Variants in CELF2 observed in about 807,000 individuals in gnomAD.
CELF2 encodes the protein CUGBP Elav-like family member 2.
In CELF2, 8 loss-of-function variants were observed where a neutral mutation model predicts 62.6. That is an observed-to-expected ratio of 0.13 (90% CI 0.07 to 0.23). The LOEUF (loss-of-function observed/expected upper bound fraction) is 0.23, where lower values mean the gene tolerates loss of function less well. CELF2 is among the 10% of genes least tolerant of loss of function. CELF2 has a pLI of 1.00. For synonymous variants in CELF2, 258 were observed against 250.0 expected (o/e 1.03, Z -0.30); for missense variants, 333 against 671.0 (o/e 0.50, Z 5.56).
At chr10:11,051,033 T>TA (rs372188508) in intron 1 of CELF2, among the ~76,000 whole-genome samples, 44 of 152,326 alleles carry the variant, frequency 2.9e-4, no homozygotes, top group African/African-American at 1.1e-3. Flanking sequence ...GTTCTATTTT[T>TA]AGCAGCTAGA....
At chr10:10,951,217 C>T (rs1285681118) in intron 2 of CELF2, among the ~76,000 whole-genome samples, 1 of 152,110 alleles carries the variant, frequency 6.6e-6, no homozygotes, top group East Asian at 1.9e-4. Flanking sequence ...GATCATAGTT[C>T]TCAGCAGCCT....
the CELF2 span, among the ~76,000 whole-genome samples, chr10:10,603,578 A>G: frequency 1.3e-5 from 2 of 152,172 alleles, no homozygotes; most frequent in African/African-American, 4.8e-5. Context: ...CACTAATCTC[A>G]TCACCAGAAC....
intron 1 of CELF2, among the ~76,000 whole-genome samples, chr10:11,023,404 A>G (rs2058656566): frequency 1.3e-5 from 2 of 152,244 alleles, no homozygotes; most frequent in Non-Finnish European, 2.9e-5. Context: ...ATTCCTGGGA[A>G]AAACCTATGT....
At chr10:11,060,863 A>T (rs150831946) in intron 1 of CELF2, among the ~76,000 whole-genome samples, 1 of 152,338 alleles carries the variant, frequency 6.6e-6, no homozygotes, top group African/African-American at 2.4e-5. Context: ...TGTCAGGAAC[A>T]GTTCCCATAG....
chr10:10,749,665 C>T, the CELF2 span, among the ~76,000 whole-genome samples: 1 of 152,222 alleles, frequency 6.6e-6, no homozygotes, highest in Middle Eastern at 3.4e-3. Flanking sequence ...AAGAAGGCTG[C>T]TCGGATGCAT....
intron 1 of CELF2, among the ~76,000 whole-genome samples, chr10:11,028,524 A>T (rs2059608176): frequency 6.7e-6 from 1 of 148,788 alleles, no homozygotes; most frequent in East Asian, 2.0e-4. Flanking sequence ...GGTTCAAGTG[A>T]TTCTCTTGCC....
chr10:10,574,746 G>C, the CELF2 span, among the ~76,000 whole-genome samples: 147 of 152,180 alleles, frequency 9.7e-4, 3 homozygotes, highest in Non-Finnish European at 2.5e-4. Flanking sequence ...TTTTGCTCTT[G>C]TCACCCAGGC....
Position 11,242,501 on chromosome 10 carries a change from A to G in CELF2, c.355-6652A>G, listed in dbSNP as rs2074261170. On this transcript the variant is annotated intron_variant, in intron 3 of 12. Coordinates refer to ENST00000633077, the MANE Select transcript of CELF2 (RefSeq NM_001326342.2). The surrounding 1 kb of genome is among the most constrained non-coding windows in gnomAD (Gnocchi z 4.8). The stretch of plus-strand genomic sequence containing the variant: ...TGTGTCCATAGTGGCGACTCTGGAG[A>G]GTATAGCTGCTGGGTGCAGCTGCTC... Among the ~76,000 whole-genome samples, 1 of 151,978 alleles carries G rather than the reference A, an allele frequency of 6.6e-6. No homozygotes were observed. Among genetic ancestry groups the G allele is most frequent in the African/African-American group, 2.4e-5 (1 of 41,374 alleles).
rs1335928363 is a variant in CELF2 at position 11,165,751 on chromosome 10, C to T, written c.271+69C>T. The T allele has an allele frequency of 7.1e-7, 1 of 1,413,670 alleles. No individual in the cohort carries two copies. Among genetic ancestry groups the T allele is most frequent in the Non-Finnish European group, 9.6e-7 (1 of 1,046,756 alleles). 87.6% of individuals were successfully genotyped at this position (1,413,670 alleles called of 1,614,324 possible). A position where few individuals can be genotyped will look rare whatever the true frequency, so the allele number is the denominator to read the frequency against. ...TCGCGGGGCACTGGGGCTGTCCGAG[C>T]CCCCAGCCTGCAGGAGGAAGGGCGG... On this transcript the variant is annotated intron_variant, in intron 2 of 12. Coordinates refer to ENST00000633077, the MANE Select transcript of CELF2 (RefSeq NM_001326342.2). The surrounding 1 kb of genome is among the most constrained non-coding windows in gnomAD (Gnocchi z 7.4).
At chr10:10,849,430 C>G (rs1245930959) in intron 1 of CELF2, among the ~76,000 whole-genome samples, 1 of 151,732 alleles carries the variant, frequency 6.6e-6, no homozygotes, top group Admixed American at 6.6e-5. Context: ...GAAAAGAAAA[C>G]TGTAAGAACA....
At chr10:10,987,952 C>CA (rs11464374) in intron 2 of CELF2, among the ~76,000 whole-genome samples, 22,364 of 151,940 alleles carry the variant, frequency 0.15, 5,520 homozygotes, top group African/African-American at 0.51. Context: ...ATTAAAACGT[C>CA]AAAAAACAGT....
chr10:10,852,762 G>T (rs571849563), intron 1 of CELF2, among the ~76,000 whole-genome samples: 2 of 152,350 alleles, frequency 1.3e-5, no homozygotes, highest in East Asian at 3.9e-4. Flanking sequence ...TTAATTGAAT[G>T]TGAATCTACA....
intron 2 of CELF2, among the ~76,000 whole-genome samples, chr10:10,930,474 C>T (rs1437696849): frequency 6.6e-6 from 1 of 152,150 alleles, no homozygotes; most frequent in African/African-American, 2.4e-5. Flanking sequence ...CTTAAAAGCA[C>T]ATTTATCCCA....
the CELF2 span, among the ~76,000 whole-genome samples, chr10:10,626,875 T>C: frequency 6.6e-6 from 1 of 152,204 alleles, no homozygotes; most frequent in Non-Finnish European, 1.5e-5. Flanking sequence ...ACTGACAACA[T>C]TTCAAGTGTT....
At chr10:10,577,911 T>C in the CELF2 span, among the ~76,000 whole-genome samples, 5 of 152,312 alleles carry the variant, frequency 3.3e-5, no homozygotes, top group South Asian at 1.0e-3. Flanking sequence ...TATTTCTAGT[T>C]CTAGATCCCT....
chr10:11,245,565 C>G (rs772888586), intron 3 of CELF2, among the ~76,000 whole-genome samples: 1 of 152,228 alleles, frequency 6.6e-6, no homozygotes, highest in Non-Finnish European at 1.5e-5. Context: ...AAGAGCAAAA[C>G]AAAGTTCAGG....
chr10:10,848,796 G>T (rs1213488322), intron 1 of CELF2, among the ~76,000 whole-genome samples: 2 of 152,320 alleles, frequency 1.3e-5, no homozygotes, highest in African/African-American at 4.8e-5. Context: ...CAACCATCTA[G>T]AAAACGGAGA....
chr10:10,549,494 G>T, the CELF2 span, among the ~76,000 whole-genome samples: 2 of 152,218 alleles, frequency 1.3e-5, no homozygotes, highest in East Asian at 3.8e-4. Context: ...ATGTTGGCCA[G>T]GCTGGTCTCG....
At chr10:10,562,402 A>G in the CELF2 span, among the ~76,000 whole-genome samples, 1 of 152,220 alleles carries the variant, frequency 6.6e-6, no homozygotes, top group Non-Finnish European at 1.5e-5. Flanking sequence ...TATGATGTCT[A>G]AGAAATGTTT....
Sources: allele counts gnomAD v4.1 joint callset (sites outside exome capture counted in the v4.1 genomes callset), GRCh38; gene constraint gnomAD v4.1.1; non-coding constraint Gnocchi (gnomAD v3.1); transcripts MANE v1.5; gene names NCBI Gene and HGNC (gene_info 2026-07-23, HGNC 2026-07-21).